TAF3: variants seen among roughly 807,000 people sequenced by gnomAD.
TAF3 encodes the protein transcription initiation factor TFIID subunit 3.
In TAF3, 7 loss-of-function variants were observed where a neutral mutation model predicts 80.6. That is an observed-to-expected ratio of 0.09 (90% CI 0.05 to 0.16). TAF3 has a LOEUF of 0.16. Ranked by LOEUF, TAF3 falls within the 10% of genes least tolerant of loss-of-function variation. TAF3 has a pLI of 1.00. For synonymous variants in TAF3, 444 were observed against 446.1 expected (o/e 1.00, Z 0.06); for missense variants, 921 against 1,140.2 (o/e 0.81, Z 2.77).
intron 2 of TAF3, among the ~76,000 whole-genome samples, chr10:7,830,085 G>C (rs1364829941): frequency 6.6e-6 from 1 of 151,946 alleles, no homozygotes; most frequent in Non-Finnish European, 1.5e-5. Context: ...GGGCTCCTCT[G>C]CATCTTCCCG....
intron 2 of TAF3, among the ~76,000 whole-genome samples, chr10:7,841,787 C>T (rs1836915404): frequency 6.6e-6 from 1 of 152,150 alleles, no homozygotes; most frequent in Non-Finnish European, 1.5e-5. Context: ...ATCTAAATAT[C>T]CAGATCTTAA....
At chr10:7,846,002 A>G (rs563286806) in intron 2 of TAF3, among the ~76,000 whole-genome samples, 2 of 136,578 alleles carry the variant, frequency 1.5e-5, no homozygotes, top group South Asian at 2.3e-4. Flanking sequence ...CCTGTCACCC[A>G]GGCTGGAGTG....
intron 4 of TAF3, among the ~76,000 whole-genome samples, chr10:7,989,944 A>G (rs1209171091): frequency 6.6e-6 from 1 of 152,172 alleles, no homozygotes; most frequent in Non-Finnish European, 1.5e-5. Flanking sequence ...TGCATCTTGA[A>G]TATAATATTT....
chr10:7,936,300 G>A (rs1053680007), intron 2 of TAF3, among the ~76,000 whole-genome samples: 8 of 151,994 alleles, frequency 5.3e-5, no homozygotes, highest in African/African-American at 1.9e-4. Flanking sequence ...TAATTTACTA[G>A]GCATTGTGGG....
chr10:7,933,030 G>C (rs1837883534), intron 2 of TAF3, among the ~76,000 whole-genome samples: 4 of 151,772 alleles, frequency 2.6e-5, no homozygotes, highest in Admixed American at 2.6e-4. Context: ...ACCCAATTCT[G>C]CCTAAATCCT....
chr10:7,957,557 T>C (rs1020249146), intron 2 of TAF3, among the ~76,000 whole-genome samples: 1 of 152,198 alleles, frequency 6.6e-6, no homozygotes, highest in African/African-American at 2.4e-5. Flanking sequence ...GAACTGGTCT[T>C]ATTGATCAAG....
intron 2 of TAF3, among the ~76,000 whole-genome samples, chr10:7,917,743 G>A (rs1202648470): frequency 6.6e-6 from 1 of 152,226 alleles, no homozygotes; most frequent in East Asian, 1.9e-4. Flanking sequence ...GATACGGGGT[G>A]CGAGGAGAAG....
At chr10:7,974,343 G>A (rs535463101) in intron 3 of TAF3, among the ~76,000 whole-genome samples, 1 of 152,274 alleles carries the variant, frequency 6.6e-6, no homozygotes, top group Non-Finnish European at 1.5e-5. Context: ...CGGTTTGTGG[G>A]CAAGTTGATA....
chr10:8,013,888 G>A (rs370574432), intron 6 of TAF3, 51 bp downstream of exon 6: 28 of 1,479,780 alleles, frequency 1.9e-5, no homozygotes, highest in Non-Finnish European at 2.6e-5. Flanking sequence ...AGCATCAGCC[G>A]CTCCTGAGAT....
chr10:7,950,589 TA>T (rs1838072749), intron 2 of TAF3, among the ~76,000 whole-genome samples: 1 of 152,224 alleles, frequency 6.6e-6, no homozygotes, highest in Non-Finnish European at 1.5e-5. Context: ...CAGTAGTCCG[TA>T]AAAGTACTGG....
At chr10:7,936,063 G>C (rs753328896) in intron 2 of TAF3, among the ~76,000 whole-genome samples, 65 of 152,112 alleles carry the variant, frequency 4.3e-4, no homozygotes, top group Non-Finnish European at 7.5e-4. Context: ...TCCTGGACTA[G>C]TGTGATTGTA....
At chr10:7,836,574 C>T (rs1270701481) in intron 2 of TAF3, among the ~76,000 whole-genome samples, 2 of 151,986 alleles carry the variant, frequency 1.3e-5, no homozygotes, top group Non-Finnish European at 2.9e-5. Flanking sequence ...GCACCCGGCC[C>T]ATTTCCACAT....
intron 2 of TAF3, among the ~76,000 whole-genome samples, chr10:7,933,242 T>C (rs1345171653): frequency 6.6e-6 from 1 of 152,224 alleles, no homozygotes; most frequent in Non-Finnish European, 1.5e-5. Context: ...TTTTGCTTTT[T>C]AAAATGTCAG....
chr10:7,835,261 G>T (rs1836840292), intron 2 of TAF3, among the ~76,000 whole-genome samples: 1 of 152,200 alleles, frequency 6.6e-6, no homozygotes, highest in Non-Finnish European at 1.5e-5. Flanking sequence ...TTTTAAGAAA[G>T]TTTACAACTT....
intron 2 of TAF3, among the ~76,000 whole-genome samples, chr10:7,894,007 T>A (rs1207989090): frequency 4.6e-5 from 7 of 152,226 alleles, no homozygotes; most frequent in Admixed American, 2.0e-4. Context: ...CTCAAGTTAC[T>A]CCAGCTGTAG....
intron 4 of TAF3, among the ~76,000 whole-genome samples, chr10:8,008,722 CG>C (rs1332068618): frequency 3.9e-5 from 6 of 152,280 alleles, no homozygotes; most frequent in Admixed American, 6.5e-5. Context: ...CAGGCCCCCC[CG>C]AGGACTCAGC....
chr10:7,865,186 G>T (rs1465531419), intron 2 of TAF3, among the ~76,000 whole-genome samples: 2 of 152,078 alleles, frequency 1.3e-5, no homozygotes, highest in East Asian at 3.9e-4. Flanking sequence ...AGAAAGTAGG[G>T]GCCGGGCATG....
Position 7,964,274 on chromosome 10 carries a change from C to T in TAF3, c.764C>T (p.Ser255Leu). 1 of 1,614,202 alleles carries T rather than the reference C, an allele frequency of 6.2e-7. No homozygotes were observed. Among genetic ancestry groups the T allele is most frequent in the Non-Finnish European group, 8.5e-7 (1 of 1,180,042 alleles). Residue 255 changes from serine (S) to leucine (L), a missense_variant, in exon 3 of 7, where the codon TCA becomes TTA. Ser to Leu is a moderately radical substitution (Grantham distance 145, BLOSUM62 -2). This residue lies in a region of TAF3 where 743 missense variants were observed against 821.0 expected (regional missense o/e 0.90). Transcript: ENST00000344293. The surrounding 1 kb of genome is among the most constrained non-coding windows in gnomAD (Gnocchi z 4.1). ...CCAATGTTGGCTCCAGTTGCAAAAT[C>T]ACAAATGCCAACTGCAAAACCATTA... ...EPPMLAPVAKSQMPTAKPLET... is the reference protein window; with the variant it reads ...EPPMLAPVAKLQMPTAKPLET...
At chr10:7,904,556 A>G (rs1177447830) in intron 2 of TAF3, among the ~76,000 whole-genome samples, 1 of 152,212 alleles carries the variant, frequency 6.6e-6, no homozygotes, top group Non-Finnish European at 1.5e-5. Flanking sequence ...GAGTGTGTAA[A>G]TTAATGAGTG....
Sources: allele counts gnomAD v4.1 joint callset (sites outside exome capture counted in the v4.1 genomes callset), GRCh38; gene constraint gnomAD v4.1.1; regional missense constraint gnomAD v4.1.1; non-coding constraint Gnocchi (gnomAD v3.1); transcripts MANE v1.5; gene names NCBI Gene and HGNC (gene_info 2026-07-23, HGNC 2026-07-21).